Variants in TTC7B observed in about 807,000 individuals in gnomAD.
The protein encoded by TTC7B is tetratricopeptide repeat domain 7B.
In TTC7B, 28 loss-of-function variants were observed where a neutral mutation model predicts 106.8. The ratio of observed to expected loss-of-function variants is 0.26; its 90% CI spans 0.19 to 0.36. The LOEUF (loss-of-function observed/expected upper bound fraction) is 0.36. TTC7B is among the 10% of genes least tolerant of loss of function. TTC7B has a pLI of 1.00. For missense variants in TTC7B, 862 were observed against 1,076.4 expected (o/e 0.80, Z 2.79); for synonymous variants, 405 against 430.6 (o/e 0.94, Z 0.74).
Position 90,780,920 on chromosome 14 carries a change from G to A in TTC7B, c.277-14C>T. The A allele has an allele frequency of 6.2e-7, 1 of 1,613,260 alleles. No individual in the cohort carries two copies. Among genetic ancestry groups the A allele is most frequent in the Non-Finnish European group, 8.5e-7 (1 of 1,179,408 alleles). The stretch of plus-strand genomic sequence containing the variant: ...TAGGAATTCTGACTAGAAGCAAAAG[G>A]AGAGAAAGAAAAGCATTTTCCTACA... On this transcript the variant is annotated splice_polypyrimidine_tract_variant and intron_variant, in intron 2 of 19. Coordinates refer to ENST00000328459, the MANE Select transcript of TTC7B (RefSeq NM_001010854.2).
rs987695313 is a variant in TTC7B at position 90,805,436 on chromosome 14, T to C, written c.121+10739A>G. On this transcript the variant is annotated intron_variant, in intron 1 of 19. Transcript: ENST00000328459. This position sits in a 1 kb window ranked among gnomAD's most constrained non-coding sequence, Gnocchi z 4.0. ...GTACCACAATGCCCGGCTAATTTTT[T>C]TGTACTTTTAGTAGAGACAGAGTTT... Among the ~76,000 whole-genome samples, 2 of 152,134 alleles carry C rather than the reference T, an allele frequency of 1.3e-5. No individual in the cohort carries two copies. Among genetic ancestry groups the C allele is most frequent in the African/African-American group, 2.4e-5 (1 of 41,428 alleles).
chr14:90,553,225 G>A (rs1890162823), intron 19 of TTC7B, among the ~76,000 whole-genome samples: 1 of 152,366 alleles, frequency 6.6e-6, no homozygotes, highest in East Asian at 1.9e-4. Flanking sequence ...GCTGATGGCG[G>A]CAGGGGCTGC....
chr14:90,724,598 G>A (rs976753384), intron 5 of TTC7B, among the ~76,000 whole-genome samples: 1 of 152,120 alleles, frequency 6.6e-6, no homozygotes, highest in African/African-American at 2.4e-5. Flanking sequence ...TCCTGCTCTG[G>A]CCATGTGATG....
rs1401809323 is a variant in TTC7B, at chr14:90,624,881, C to T, written c.1752-6836G>A. Among the ~76,000 whole-genome samples, 1 of 152,178 alleles carries T rather than the reference C, an allele frequency of 6.6e-6. No individual in the cohort carries two copies. The highest frequency in any genetic ancestry group is 1.5e-5 in the Non-Finnish European group (1 of 68,042). On this transcript the variant is annotated intron_variant, in intron 15 of 19. Transcript: ENST00000328459. This position sits in a 1 kb window ranked among gnomAD's most constrained non-coding sequence, Gnocchi z 4.0. ...TTGCGAGCTCCTGGGCTCTGCATGC[C>T]AGGGACCTGCTCTTTCTTTGTTTAT... is the stretch of plus-strand genomic sequence containing the variant.
intron 19 of TTC7B, among the ~76,000 whole-genome samples, chr14:90,559,389 C>T (rs1276207425): frequency 1.3e-5 from 2 of 152,352 alleles, no homozygotes; most frequent in Non-Finnish European, 2.9e-5. Flanking sequence ...GGTTCTGTGC[C>T]CAGGGGGCCA....
In TTC7B at chr14:90,575,607, C is replaced by G. The variant is rs1425766184; in HGVS notation, c.2310+2499G>C. On this transcript the variant is annotated intron_variant, in intron 19 of 19. Coordinates refer to ENST00000328459, the MANE Select transcript of TTC7B (RefSeq NM_001010854.2). This position sits in a 1 kb window ranked among gnomAD's most constrained non-coding sequence, Gnocchi z 5.2. ...CAGTGGGAGGGGGGCCTGCCCTTGG[C>G]TGCATGGGGCTCCCCCTGGCTGTGG... Among the ~76,000 whole-genome samples the G allele has an allele frequency of 2.0e-5, 3 of 152,194 alleles. No individual in the cohort carries two copies. The highest frequency in any genetic ancestry group is 4.4e-5 in the Non-Finnish European group (3 of 68,024).
chr14:90,816,029 G>A, intron 1 of TTC7B, 146 bp downstream of exon 1: 3 of 936,882 alleles, frequency 3.2e-6, no homozygotes, highest in Non-Finnish European at 3.8e-6. Flanking sequence ...CCAGGCCCCG[G>A]TCCCGCGCAC....
intron 3 of TTC7B, among the ~76,000 whole-genome samples, chr14:90,752,344 C>A (rs1890163403): frequency 6.6e-6 from 1 of 151,878 alleles, no homozygotes; most frequent in African/African-American, 2.4e-5. Flanking sequence ...ATAGTGAGAC[C>A]CCATCTCTAC....
In TTC7B at chr14:90,780,812, C is replaced by A. The variant is rs141063327; in HGVS notation, c.371G>T (p.Gly124Val). ...KEALNIYARV[G>V]LDDLPLTAVP... ...AGCTGTCAGTGGCAGATCGTCCAGG[C>A]CCACCCGGGCGTAAATGTTCAGAGC... is the stretch of plus-strand genomic sequence containing the variant. Residue 124 changes from glycine (G) to valine (V), a missense_variant, in exon 3 of 20, where the codon GGC (glycine) becomes GTC (valine). Physicochemically the swap from Gly to Val is moderately radical, Grantham distance 109 (BLOSUM62 -3). Coordinates refer to ENST00000328459, the MANE Select transcript of TTC7B (RefSeq NM_001010854.2). 2.6e-5 allele frequency: 42 copies of A among 1,614,168 alleles called. No homozygotes were observed. In the African/African-American group the frequency reaches 5.2e-4, roughly 20 times the overall value.
intron 9 of TTC7B, among the ~76,000 whole-genome samples, chr14:90,668,997 T>C (rs1886527215): frequency 6.6e-6 from 1 of 152,136 alleles, no homozygotes; most frequent in Non-Finnish European, 1.5e-5. Context: ...AATAGTATGG[T>C]ATTACATAAA....
intron 9 of TTC7B, among the ~76,000 whole-genome samples, chr14:90,664,913 G>T (rs1173710669): frequency 1.3e-5 from 2 of 152,218 alleles, no homozygotes; most frequent in Non-Finnish European, 2.9e-5. Flanking sequence ...GATCTTCAGG[G>T]TTCTGAAGGG....
At chr14:90,776,769 T>G (rs1170757536) in intron 3 of TTC7B, among the ~76,000 whole-genome samples, 1 of 152,164 alleles carries the variant, frequency 6.6e-6, no homozygotes, top group Non-Finnish European at 1.5e-5. Flanking sequence ...GACCCCATTC[T>G]GCCACTCAGA....
chr14:90,655,297 C>T (rs1885901209), intron 11 of TTC7B, among the ~76,000 whole-genome samples, 187 bp from the exon 12 acceptor site: 1 of 152,170 alleles, frequency 6.6e-6, no homozygotes, highest in South Asian at 2.1e-4. Flanking sequence ...AGGATTCCTA[C>T]CTTGCTTTTT....
intron 15 of TTC7B, among the ~76,000 whole-genome samples, chr14:90,630,971 A>C (rs1884677888): frequency 6.6e-6 from 1 of 151,664 alleles, no homozygotes; most frequent in Non-Finnish European, 1.5e-5. Flanking sequence ...AGTAGCTGGG[A>C]TTACAGGCGC....
chr14:90,732,647 A>C (rs974802327), intron 4 of TTC7B, among the ~76,000 whole-genome samples: 3 of 152,038 alleles, frequency 2.0e-5, no homozygotes, highest in African/African-American at 7.2e-5. Context: ...CAAAGTGCTG[A>C]GATTACAGGC....
rs1890426916 is a variant in TTC7B at position 90,759,443 on chromosome 14, T to G, written c.446-14521A>C. Among the ~76,000 whole-genome samples the G allele has an allele frequency of 6.6e-6, 1 of 152,100 alleles. No individual in the cohort carries two copies. The highest frequency in any genetic ancestry group is 1.5e-5 in the Non-Finnish European group (1 of 68,010). ...TACAACCTTACTAGCTTTGTAGCAG[T>G]CTAGGCCCCAAAGAGATCCTAGAAG... On this transcript the variant is annotated intron_variant, in intron 3 of 19. Transcript: ENST00000328459. This position sits in a 1 kb window ranked among gnomAD's most constrained non-coding sequence, Gnocchi z 4.1.
At chr14:90,816,041 T>A (rs886673280) in intron 1 of TTC7B, 134 bp downstream of exon 1, 61 of 948,934 alleles carry the variant, frequency 6.4e-5, no homozygotes, top group Non-Finnish European at 7.4e-5. Flanking sequence ...CCCGCGCACA[T>A]CCCCTGGGCC....
At chr14:90,661,600 G>A (rs1433420169) in intron 9 of TTC7B, among the ~76,000 whole-genome samples, 1 of 151,556 alleles carries the variant, frequency 6.6e-6, no homozygotes, top group Non-Finnish European at 1.5e-5. Flanking sequence ...AATAAGACAC[G>A]GGAGCCGGTA....
At position 90,749,861 on chromosome 14, in the gene TTC7B, T is replaced by C. The variant is rs560259005; in HGVS notation, c.446-4939A>G. On this transcript the variant is annotated intron_variant, in intron 3 of 19. Coordinates refer to ENST00000328459, the MANE Select transcript of TTC7B (RefSeq NM_001010854.2). ...GTAGTTTTCATCTCTAGAAATTTGA[T>C]GTAGGTCTATTTTTACCATCCACGT... Among the ~76,000 whole-genome samples the C allele has an allele frequency of 3.9e-5, 6 of 152,364 alleles. No individual in the cohort carries two copies. In the South Asian group the frequency reaches 1.0e-3, roughly 26 times the overall value.
Sources: gnomAD v4.1 joint callset for allele counts (sites outside exome capture counted in the v4.1 genomes callset) on GRCh38, gnomAD v4.1.1 for gene constraint, Gnocchi (gnomAD v3.1) non-coding constraint, MANE v1.5 for transcripts, NCBI Gene and HGNC (gene_info 2026-07-23, HGNC 2026-07-21) for gene names.